GNB1L: variants seen among roughly 807,000 people sequenced by gnomAD.
GNB1L encodes the protein G protein subunit beta 1 like, also known as guanine nucleotide-binding protein subunit beta-like protein 1.
GNB1L carries 20 observed loss-of-function variants against 29.1 expected under a neutral mutation model. That is an observed-to-expected ratio of 0.69 (90% CI 0.48 to 1.00). GNB1L has a LOEUF of 1.00. GNB1L is among the 50% of genes least tolerant of loss of function. GNB1L has a pLI of 0.00. For synonymous variants in GNB1L, 193 were observed against 206.5 expected (o/e 0.93, Z 0.56); for missense variants, 421 against 464.9 (o/e 0.91, Z 0.87).
intron 4 of GNB1L, among the ~76,000 whole-genome samples, chr22:19,819,229 G>C (rs551695383): frequency 6.6e-6 from 1 of 152,198 alleles, no homozygotes; most frequent in Non-Finnish European, 1.5e-5. Flanking sequence ...TTATTCCTCC[G>C]CCACCTCCTG....
intron 2 of GNB1L, among the ~76,000 whole-genome samples, chr22:19,834,036 T>C (rs928029215): frequency 3.3e-5 from 5 of 151,772 alleles, no homozygotes; most frequent in Non-Finnish European, 7.4e-5. Context: ...TTAAGGGCAG[T>C]GGAGTCTGAG....
chr22:19,792,468 C>T (rs550350899), intron 7 of GNB1L: 274 of 1,580,370 alleles, frequency 1.7e-4, no homozygotes, highest in Admixed American at 2.5e-4. Context: ...GAAATGGCCC[C>T]GCTATATCAG....
Position 19,788,965 on chromosome 22 carries a change from G to T in GNB1L, c.733-5C>A. On this transcript the variant is annotated splice_region_variant and splice_polypyrimidine_tract_variant and intron_variant, in intron 7 of 7. Coordinates refer to ENST00000329517, the MANE Select transcript of GNB1L (RefSeq NM_053004.3). ...GAGTTCATGAGTCCCACGCACCTGTGAGAGTTGGGAGAGGTGTTAGGCCAC... is the reference window on the plus strand; with the variant it reads ...GAGTTCATGAGTCCCACGCACCTGTTAGAGTTGGGAGAGGTGTTAGGCCAC... The T allele has an allele frequency of 3.1e-6, 5 of 1,593,120 alleles. No individual in the cohort carries two copies. Among genetic ancestry groups the T allele is most frequent in the Non-Finnish European group, 4.3e-6 (5 of 1,166,466 alleles).
At chr22:19,848,022 GC>G in intron 2 of GNB1L, 2 of 984,960 alleles carry the variant, frequency 2.0e-6, no homozygotes, top group Middle Eastern at 5.2e-4. Flanking sequence ...TATTTATTTG[GC>G]CCGTTTCAAA....
chr22:19,826,281 CCTAA>C (rs1387833689), intron 2 of GNB1L, among the ~76,000 whole-genome samples: 3 of 152,216 alleles, frequency 2.0e-5, no homozygotes, highest in Non-Finnish European at 2.9e-5. Flanking sequence ...AGGTTTCAGC[CCTAA>C]CTCACACCAC....
chr22:19,806,813 A>T (rs1313298890), intron 5 of GNB1L, 56 bp from the exon 6 acceptor site: 1 of 1,222,674 alleles, frequency 8.2e-7, no homozygotes, highest in Non-Finnish European at 1.2e-6. Context: ...TCTGCGCTAT[A>T]CAAACAAGAG....
intron 2 of GNB1L, chr22:19,851,817 G>C: frequency 6.2e-7 from 1 of 1,614,024 alleles, no homozygotes; most frequent in South Asian, 1.1e-5. Flanking sequence ...GCCTGGGCTC[G>C]GCCTGTTAGG....
intron 4 of GNB1L, among the ~76,000 whole-genome samples, chr22:19,813,851 C>T (rs1937515368): frequency 6.6e-6 from 1 of 152,012 alleles, no homozygotes; most frequent in Admixed American, 6.6e-5. Context: ...CAAAAATTGG[C>T]CAGGCATGGT....
intron 2 of GNB1L, chr22:19,849,997 C>G (rs2145904987): frequency 1.0e-6 from 1 of 985,652 alleles, no homozygotes; most frequent in South Asian, 4.7e-5. Flanking sequence ...CCTCACAGCT[C>G]TGGACTGCTG....
rs1937189448 is a variant in GNB1L at position 19,786,066 on chromosome 22, G to C, written c.*2643C>G. 1 of 152,310 alleles carries C rather than the reference G, an allele frequency of 6.6e-6. No homozygotes were observed. The highest frequency in any genetic ancestry group is 2.4e-5 in the African/African-American group (1 of 41,466). The allele number at this position is 152,310 out of a possible 1,614,324, so 9.4% of individuals were successfully genotyped here. A position where few individuals can be genotyped will look rare whatever the true frequency, so the allele number is the denominator to read the frequency against. On this transcript the variant is annotated 3_prime_UTR_variant, in exon 8 of 8. Coordinates refer to ENST00000329517, the MANE Select transcript of GNB1L (RefSeq NM_053004.3). ...TCCCAGGCAGCTCAGCCAGGTGAAT[G>C]AAAGTCCTGGGCCTGCCCTCCACAG...
Position 19,849,206 on chromosome 22 carries a change from T to C in GNB1L, c.-21+5237A>G, listed in dbSNP as rs1938035168. 1.3e-5 allele frequency: 13 copies of C among 985,288 alleles called. No homozygotes were observed. In the South Asian group the frequency reaches 5.2e-4, roughly 39 times the overall value. 61.0% of individuals were successfully genotyped at this position (985,288 alleles called of 1,614,324 possible). On this transcript the variant is annotated intron_variant, in intron 2 of 7. Transcript: ENST00000329517. ...GCTATACCTGCTTTCTAAAAATAGC[T>C]TCCCACCTATTTCCAAGGTTTCCAG...
intron 4 of GNB1L, among the ~76,000 whole-genome samples, chr22:19,814,522 T>C (rs1170206620): frequency 6.6e-6 from 1 of 152,214 alleles, no homozygotes; most frequent in African/African-American, 2.4e-5. Context: ...GCAAAAGCTA[T>C]ACCTTGACAG....
At position 19,802,232 on chromosome 22, in the gene GNB1L, G is replaced by A. The variant is rs1408107559; in HGVS notation, c.517-16C>T. On this transcript the variant is annotated splice_polypyrimidine_tract_variant and intron_variant, in intron 6 of 7. Coordinates refer to ENST00000329517, the MANE Select transcript of GNB1L (RefSeq NM_053004.3). Reference sequence around the variant, plus strand: ...TGCAGTCGGCCTGCGGGGAACAGCAGAGCAGTCAGCTCCTGGAAGGACCCT... The same window carrying A: ...TGCAGTCGGCCTGCGGGGAACAGCAAAGCAGTCAGCTCCTGGAAGGACCCT... The A allele has an allele frequency of 6.2e-7, 1 of 1,607,260 alleles. No individual in the cohort carries two copies. Among genetic ancestry groups the A allele is most frequent in the Non-Finnish European group, 8.5e-7 (1 of 1,176,440 alleles).
At chr22:19,826,018 T>C (rs1937617358) in intron 2 of GNB1L, among the ~76,000 whole-genome samples, 1 of 152,076 alleles carries the variant, frequency 6.6e-6, no homozygotes, top group East Asian at 1.9e-4. Flanking sequence ...CAAAAAAAAG[T>C]CTGAGCTGCC....
chr22:19,844,154 C>A (rs558212158), intron 2 of GNB1L, among the ~76,000 whole-genome samples: 2 of 152,352 alleles, frequency 1.3e-5, no homozygotes, highest in East Asian at 3.9e-4. Context: ...GTCTGTGCCG[C>A]CCCCTTCCAG....
intron 4 of GNB1L, among the ~76,000 whole-genome samples, chr22:19,814,548 A>G (rs1210359485): frequency 6.6e-6 from 1 of 152,204 alleles, no homozygotes; most frequent in Non-Finnish European, 1.5e-5. Flanking sequence ...TCAGGCAGAC[A>G]CTTCCTGCCC....
chr22:19,792,695 T>C (rs1345010284), intron 7 of GNB1L: 5 of 1,459,832 alleles, frequency 3.4e-6, no homozygotes, highest in Non-Finnish European at 4.8e-6. Context: ...AGAGACCACC[T>C]GTCCTTCGAG....
chr22:19,812,250 G>A (rs1395110072), intron 5 of GNB1L, 35 bp downstream of exon 5: 1 of 1,601,590 alleles, frequency 6.2e-7, no homozygotes, highest in Non-Finnish European at 8.5e-7. Flanking sequence ...ACAACTGTTT[G>A]GAGAACATGG....
At chr22:19,847,629 C>G in intron 2 of GNB1L, 1 of 985,274 alleles carries the variant, frequency 1.0e-6, no homozygotes, top group Non-Finnish European at 1.2e-6. Context: ...ACCATGACCA[C>G]CCCTGGCAAG....
Sources: gnomAD v4.1 joint callset for allele counts (sites outside exome capture counted in the v4.1 genomes callset) on GRCh38, gnomAD v4.1.1 for gene constraint, MANE v1.5 for transcripts, NCBI Gene and HGNC (gene_info 2026-07-23, HGNC 2026-07-21) for gene names.